Variants in PSEN1 observed in about 807,000 individuals in gnomAD.
The protein encoded by PSEN1 is presenilin-1.
A neutral mutation model predicts 53.5 loss-of-function variants in PSEN1; 15 were observed. The observed-to-expected ratio is 0.28, with a 90% CI of 0.19 to 0.43. The LOEUF (loss-of-function observed/expected upper bound fraction) is 0.43, where lower values mean the gene tolerates loss of function less well. PSEN1 is among the 20% of genes least tolerant of loss of function. PSEN1 has a pLI of 1.00. For synonymous variants in PSEN1, 208 were observed against 209.8 expected, an observed-to-expected ratio of 0.99 and a Z score of 0.08; for missense variants, 387 against 571.2, an observed-to-expected ratio of 0.68 and a Z score of 3.29.
intron 5 of PSEN1, among the ~76,000 whole-genome samples, chr14:73,184,667 G>A (rs1336765350): frequency 4.6e-5 from 5 of 109,332 alleles, no homozygotes; most frequent in Non-Finnish European, 6.0e-5. Context: ...CCTCCCTCCC[G>A]GACGGAGCGG....
chr14:73,179,201 C>T (rs1000309702), intron 5 of PSEN1, among the ~76,000 whole-genome samples: 1 of 152,216 alleles, frequency 6.6e-6, no homozygotes, highest in Non-Finnish European at 1.5e-5. Context: ...GCCCCACTCT[C>T]TCGGGACTGA....
At chr14:73,143,714 A>G (rs1896988884) in intron 1 of PSEN1, among the ~76,000 whole-genome samples, 1 of 152,116 alleles carries the variant, frequency 6.6e-6, no homozygotes, top group African/African-American at 2.4e-5. Context: ...AATGGAAACT[A>G]CTTCTTTTAA....
chr14:73,161,083 T>C (rs182872826), intron 3 of PSEN1, among the ~76,000 whole-genome samples: 124 of 150,204 alleles, frequency 8.3e-4, no homozygotes, highest in Non-Finnish European at 1.5e-3. Context: ...CAAGCAGTCC[T>C]TCCACCTCAG....
chr14:73,185,025 G>A (rs1217823272), intron 5 of PSEN1, among the ~76,000 whole-genome samples: 1 of 151,584 alleles, frequency 6.6e-6, no homozygotes, highest in Non-Finnish European at 1.5e-5. Flanking sequence ...GGGCAGAGAC[G>A]CTCCTCACTT....
At chr14:73,215,193 T>C (rs1899863123) in intron 10 of PSEN1, among the ~76,000 whole-genome samples, 1 of 151,600 alleles carries the variant, frequency 6.6e-6, no homozygotes, top group South Asian at 2.1e-4. Flanking sequence ...ACTCCTGACC[T>C]CAAGTGATCT....
intron 5 of PSEN1, among the ~76,000 whole-genome samples, chr14:73,185,045 G>T (rs532735673): frequency 0.035 from 5,374 of 151,576 alleles, 133 homozygotes; most frequent in African/African-American, 0.12. Flanking sequence ...TCCTAGATGT[G>T]ATGGCAGCCG....
intron 1 of PSEN1, among the ~76,000 whole-genome samples, chr14:73,143,118 G>A (rs542684946): frequency 1.3e-5 from 2 of 152,284 alleles, no homozygotes; most frequent in Non-Finnish European, 2.9e-5. Context: ...TGGGGTCATT[G>A]ACCGCCATGC....
intron 11 of PSEN1, among the ~76,000 whole-genome samples, chr14:73,217,974 AACAG>A (rs1899986192): frequency 6.6e-6 from 1 of 150,698 alleles, no homozygotes; most frequent in African/African-American, 2.4e-5. Context: ...TTTTAGTAGA[AACAG>A]GGTTTCACCA....
intron 10 of PSEN1, among the ~76,000 whole-genome samples, chr14:73,213,552 T>C (rs1899788559): frequency 6.6e-6 from 1 of 152,204 alleles, no homozygotes; most frequent in Non-Finnish European, 1.5e-5. Flanking sequence ...TCTCTGATGG[T>C]GTGAGCATGT....
intron 5 of PSEN1, among the ~76,000 whole-genome samples, chr14:73,177,619 T>C (rs928790310): frequency 1.6e-4 from 25 of 152,220 alleles, no homozygotes; most frequent in Admixed American, 1.6e-3. Flanking sequence ...AATTTTACCT[T>C]TATTACTGAA....
chr14:73,138,380 G>A lies in PSEN1; in HGVS notation c.-136+1797G>A, dbSNP rs145082857. Among the ~76,000 whole-genome samples, 396 of 150,692 alleles carry A rather than the reference G, an allele frequency of 2.6e-3. 1 individual carries two copies. The highest frequency in any genetic ancestry group is 9.4e-3 in the African/African-American group (382 of 40,718). ...ACTACAGGCGTCCGCCACCACGCCC[G>A]GCTAATTTTTTTGTATTTTTAGTAG... On this transcript the variant is annotated intron_variant, in intron 1 of 11. Transcript: ENST00000324501.
At chr14:73,140,572 T>C (rs1896897443) in intron 1 of PSEN1, among the ~76,000 whole-genome samples, 1 of 152,184 alleles carries the variant, frequency 6.6e-6, no homozygotes, top group Admixed American at 6.5e-5. Flanking sequence ...TTTTCTTTTT[T>C]TAATGTGATT....
intron 7 of PSEN1, among the ~76,000 whole-genome samples, chr14:73,196,420 A>T (rs1898944416): frequency 6.9e-6 from 1 of 144,948 alleles, no homozygotes. Context: ...ATACTATATT[A>T]TATTGTACAT....
At chr14:73,206,580 A>G (rs1899465188) in intron 9 of PSEN1, 108 bp downstream of exon 9, 1 of 776,600 alleles carries the variant, frequency 1.3e-6, no homozygotes. Context: ...CTCCTTTGAG[A>G]ATCTCTTGAG....
At chr14:73,147,717 TTATAAG>T in intron 1 of PSEN1, 72 bp from the exon 2 acceptor site, 1 of 389,152 alleles carries the variant, frequency 2.6e-6, no homozygotes, top group Non-Finnish European at 4.9e-6. Flanking sequence ...CAAATTGGTC[TTATAAG>T]TATTTGATTG....
chr14:73,152,444 A>G (rs1466019091), intron 3 of PSEN1, among the ~76,000 whole-genome samples: 1 of 150,994 alleles, frequency 6.6e-6, no homozygotes, highest in Admixed American at 6.6e-5. Context: ...TACTAAGAAA[A>G]AAAAAAAAAA....
At chr14:73,215,854 T>G (rs529270650) in intron 10 of PSEN1, among the ~76,000 whole-genome samples, 1 of 152,282 alleles carries the variant, frequency 6.6e-6, no homozygotes, top group East Asian at 1.9e-4. Flanking sequence ...TGGTGGAAAT[T>G]CAGACTGGTA....
intron 3 of PSEN1, chr14:73,167,827 CCTT>C (rs1329926143): frequency 2.1e-5 from 3 of 143,174 alleles, no homozygotes; most frequent in African/African-American, 8.2e-5. Context: ...GCCTCTTCCA[CCTT>C]TTTTTTTTTT....
chr14:73,190,634 T>G (rs79505171), intron 6 of PSEN1, among the ~76,000 whole-genome samples: 12,791 of 152,056 alleles, frequency 0.084, 636 homozygotes, highest in South Asian at 0.19. Context: ...ACCTGTAATC[T>G]CAACATTTTT....
Sources: allele counts gnomAD v4.1 joint callset (sites outside exome capture counted in the v4.1 genomes callset), GRCh38; gene constraint gnomAD v4.1.1; transcripts MANE v1.5; gene names NCBI Gene and HGNC (gene_info 2026-07-23, HGNC 2026-07-21).